The following KALRN variants were observed in gnomAD, a reference collection of about 807,000 sequenced individuals.
KALRN encodes the protein kalirin.
A neutral mutation model predicts 353.7 loss-of-function variants in KALRN; 70 were observed. That is an observed-to-expected ratio of 0.20 (90% confidence interval 0.16 to 0.24). The LOEUF is 0.24. Among genes scored for constraint, KALRN ranks in the 10% least tolerant of loss-of-function variants. KALRN has a pLI of 1.00. For synonymous variants in KALRN, 1,391 were observed against 1,434.8 expected, an observed-to-expected ratio of 0.97 and a Z score of 0.69; for missense variants, 2,791 against 3,756.7, an observed-to-expected ratio of 0.74 and a Z score of 6.72.
chr3:124,610,839 C>T (rs1480092790), intron 34 of KALRN, among the ~76,000 whole-genome samples: 7 of 109,818 alleles, frequency 6.4e-5, no homozygotes, highest in African/African-American at 2.7e-4. Context: ...AGTAGGACCC[C>T]GTCCCTACAA....
intron 6 of KALRN, among the ~76,000 whole-genome samples, chr3:124,308,531 G>A (rs182013831): frequency 1.3e-5 from 2 of 151,966 alleles, no homozygotes; most frequent in African/African-American, 2.4e-5. Context: ...AGAAATTCAC[G>A]AATAGGTGGA....
chr3:124,276,154 A>G (rs1432416956), intron 5 of KALRN, among the ~76,000 whole-genome samples: 1 of 152,146 alleles, frequency 6.6e-6, no homozygotes, highest in Non-Finnish European at 1.5e-5. Flanking sequence ...ATGCATTTTA[A>G]TATTCTTGGA....
rs1398053170 is a variant in KALRN, at chr3:124,269,259, G to A, written c.969+4G>A. 6.3e-7 allele frequency: 1 copy of A among 1,590,182 alleles called. No homozygotes were observed. ...CTTCGAGCAGGATGCTGAGAAGGTA[G>A]GAAGGGAACAGGCCAAACCTGAGCC... On this transcript the variant is annotated splice_donor_region_variant and intron_variant, in intron 5 of 59. Transcript: ENST00000682506.
chr3:124,436,029 G>T (rs781054452), intron 17 of KALRN, among the ~76,000 whole-genome samples: 34 of 152,250 alleles, frequency 2.2e-4, no homozygotes, highest in Admixed American at 9.2e-4. Context: ...AACACAATGA[G>T]ACAGAATAGT....
At chr3:124,381,836 G>C (rs968000531) in intron 10 of KALRN, among the ~76,000 whole-genome samples, 1 of 152,182 alleles carries the variant, frequency 6.6e-6, no homozygotes, top group Non-Finnish European at 1.5e-5. Context: ...CAGACCAGTA[G>C]GGAGATACCA....
chr3:124,655,212 T>C (rs980496321), intron 38 of KALRN, among the ~76,000 whole-genome samples: 2 of 152,266 alleles, frequency 1.3e-5, no homozygotes, highest in Non-Finnish European at 2.9e-5. Context: ...AAGTCTCATC[T>C]TAACCCCTGC....
At chr3:124,355,475 G>A (rs1344512764) in intron 10 of KALRN, among the ~76,000 whole-genome samples, 2 of 152,160 alleles carry the variant, frequency 1.3e-5, no homozygotes, top group African/African-American at 2.4e-5. Flanking sequence ...ATGGAAGGCA[G>A]GGGTGATGAG....
At chr3:124,348,381 G>C (rs2082490948) in intron 10 of KALRN, among the ~76,000 whole-genome samples, 1 of 152,224 alleles carries the variant, frequency 6.6e-6, no homozygotes, top group African/African-American at 2.4e-5. Context: ...TGCAAAAAGA[G>C]ATGGCATGTC....
chr3:124,482,076 C>T (rs892531039), intron 27 of KALRN, among the ~76,000 whole-genome samples: 1 of 152,280 alleles, frequency 6.6e-6, no homozygotes, highest in Middle Eastern at 3.4e-3. Context: ...GAAGCACAAA[C>T]AGCAGTTGGA....
intron 51 of KALRN, among the ~76,000 whole-genome samples, chr3:124,680,339 G>A (rs370842026): frequency 2.6e-5 from 4 of 152,376 alleles, no homozygotes; most frequent in East Asian, 1.9e-4. Flanking sequence ...TTATAGAAAC[G>A]TGGCTCTTAC....
intron 1 of KALRN, among the ~76,000 whole-genome samples, chr3:124,039,949 G>A (rs1475511456): frequency 6.6e-6 from 1 of 152,104 alleles, no homozygotes; most frequent in African/African-American, 2.4e-5. Context: ...TGTGGTTCTG[G>A]AGAGGGAATG....
chr3:124,629,808 C>CTG (rs2080547164), intron 34 of KALRN, among the ~76,000 whole-genome samples: 1 of 70,954 alleles, frequency 1.4e-5, no homozygotes, highest in East Asian at 9.5e-4. Flanking sequence ...TTCTCTCTCT[C>CTG]TCTCTGTCTC....
intron 21 of KALRN, among the ~76,000 whole-genome samples, chr3:124,451,803 C>T (rs996649862): frequency 2.6e-5 from 4 of 152,178 alleles, no homozygotes; most frequent in African/African-American, 9.6e-5. Context: ...GCAGCCACGT[C>T]ATCTGGTCAT....
At chr3:124,524,276 A>G (rs2067397620) in intron 33 of KALRN, among the ~76,000 whole-genome samples, 1 of 152,200 alleles carries the variant, frequency 6.6e-6, no homozygotes, top group African/African-American at 2.4e-5. Flanking sequence ...GAAATAAAAT[A>G]CACCTGGGGA....
intron 33 of KALRN, among the ~76,000 whole-genome samples, chr3:124,551,412 C>G (rs2070514804): frequency 6.6e-6 from 1 of 152,222 alleles, no homozygotes; most frequent in Admixed American, 6.5e-5. Flanking sequence ...CTTTCCGTTG[C>G]TGATACCAAT....
intron 5 of KALRN, among the ~76,000 whole-genome samples, chr3:124,274,040 G>A (rs1329823269): frequency 6.6e-6 from 1 of 152,240 alleles, no homozygotes; most frequent in Non-Finnish European, 1.5e-5. Context: ...CCCACTGGGG[G>A]CCATATGTGG....
At chr3:124,081,508 C>T (rs529912970) in intron 1 of KALRN, among the ~76,000 whole-genome samples, 56 of 152,316 alleles carry the variant, frequency 3.7e-4, no homozygotes, top group Non-Finnish European at 7.2e-4. Context: ...CAGTGGCTCA[C>T]GCCTGTAATC....
intron 11 of KALRN, among the ~76,000 whole-genome samples, chr3:124,386,071 A>G (rs1198373682): frequency 1.3e-5 from 2 of 152,220 alleles, no homozygotes; most frequent in African/African-American, 2.4e-5. Context: ...AATGCAAACC[A>G]TTGCAGCGCC....
Position 124,269,090 on chromosome 3 carries a change from C to T in KALRN, c.804C>T (p.Asn268=), listed in dbSNP as rs781385990. The T allele has an allele frequency of 2.5e-5, 41 of 1,612,616 alleles. No homozygotes were observed. In the South Asian group the frequency reaches 3.7e-4, roughly 15 times the overall value. The change falls in exon 5 of 60, where the codon AAC becomes AAT. Residue 268 remains asparagine, a synonymous_variant. Coordinates refer to ENST00000682506, the MANE Select transcript of KALRN (RefSeq NM_001388419.1). ...IRCSDGFSGR[N]CIPGSADFQS... Reference sequence around the variant, plus strand: ...GCAGCGACGGCTTCTCAGGACGCAACTGCATCCCGGGCAGTGCTGACTTCC... The same window carrying T: ...GCAGCGACGGCTTCTCAGGACGCAATTGCATCCCGGGCAGTGCTGACTTCC...
Sources: gnomAD v4.1 joint callset for allele counts (sites outside exome capture counted in the v4.1 genomes callset) on GRCh38, gnomAD v4.1.1 for gene constraint, MANE v1.5 for transcripts, NCBI Gene and HGNC (gene_info 2026-07-23, HGNC 2026-07-21) for gene names.